Variants in CACNA1E observed in about 807,000 individuals in gnomAD.
CACNA1E encodes calcium voltage-gated channel subunit alpha1 E, also known as voltage-dependent R-type calcium channel subunit alpha-1E.
CACNA1E carries 40 observed loss-of-function variants against 259.2 expected under a neutral mutation model. The observed-to-expected ratio is 0.15, with a 90% confidence interval of 0.12 to 0.20. CACNA1E has a LOEUF of 0.20. CACNA1E is among the 10% of genes least tolerant of loss of function. The pLI, the probability that CACNA1E is intolerant of heterozygous loss-of-function variation, is 1.00. For missense variants in CACNA1E, 1,874 were observed against 3,040.1 expected (o/e 0.62, Z 9.02); for synonymous variants, 1,104 against 1,138.5 (o/e 0.97, Z 0.61).
intron 1 of CACNA1E, among the ~76,000 whole-genome samples, chr1:181,360,669 G>T (rs958687230): frequency 3.3e-5 from 5 of 152,088 alleles, no homozygotes; most frequent in African/African-American, 1.2e-4. Context: ...AGTGGTGATG[G>T]TTGTAAAACG....
intron 1 of CACNA1E, among the ~76,000 whole-genome samples, chr1:181,345,537 T>C (rs1193217133): frequency 6.6e-6 from 1 of 152,132 alleles, no homozygotes; most frequent in African/African-American, 2.4e-5. Context: ...TGGGTCTTTC[T>C]TGGGCATGTG....
At chr1:181,404,971 G>A (rs2102105450) in intron 1 of CACNA1E, among the ~76,000 whole-genome samples, 1 of 152,344 alleles carries the variant, frequency 6.6e-6, no homozygotes, top group South Asian at 2.1e-4. Context: ...TCCCTAGGTG[G>A]CAACTCAGAC....
chr1:181,434,298 C>T (rs1659925585), intron 2 of CACNA1E, among the ~76,000 whole-genome samples: 1 of 152,040 alleles, frequency 6.6e-6, no homozygotes. Flanking sequence ...TACCATTTCC[C>T]TATTTTTGGA....
chr1:181,722,433 G>A (rs919273295), intron 16 of CACNA1E, among the ~76,000 whole-genome samples: 1 of 152,128 alleles, frequency 6.6e-6, no homozygotes, highest in African/African-American at 2.4e-5. Context: ...CTACTAAATT[G>A]TAAAGGGAAA....
intron 2 of CACNA1E, among the ~76,000 whole-genome samples, chr1:181,465,096 G>A (rs1662071613): frequency 6.6e-6 from 1 of 151,754 alleles, no homozygotes; most frequent in Non-Finnish European, 1.5e-5. Context: ...TATTTTCCTG[G>A]AAAAGTCTTT....
At chr1:181,487,346 G>C (rs192064352) in intron 1 of CACNA1E, among the ~76,000 whole-genome samples, 3 of 152,248 alleles carry the variant, frequency 2.0e-5, no homozygotes, top group African/African-American at 7.2e-5. Context: ...GAGGGGGAGG[G>C]TAATCTTATC....
chr1:181,571,298 A>G lies in CACNA1E; in HGVS notation c.513-6468A>G, dbSNP rs372163772. Among the ~76,000 whole-genome samples the G allele has an allele frequency of 2.4e-4, 36 of 152,240 alleles. No individual in the cohort carries two copies. In the East Asian group the frequency reaches 6.4e-3, roughly 27 times the overall value. ...GCGTGTGCCTTATCCCTTTCTCAGA[A>G]TCCTAGTTCAACTAGCTTTTGGTCT... is the stretch of plus-strand genomic sequence containing the variant. On this transcript the variant is annotated intron_variant, in intron 3 of 47. Coordinates refer to ENST00000367573, the MANE Select transcript of CACNA1E (RefSeq NM_001205293.3).
chr1:181,372,539 G>A (rs1654775932), intron 1 of CACNA1E, among the ~76,000 whole-genome samples: 1 of 152,102 alleles, frequency 6.6e-6, no homozygotes, highest in Admixed American at 6.5e-5. Context: ...CATATCGTCT[G>A]CAAAGAGAGA....
intron 6 of CACNA1E, among the ~76,000 whole-genome samples, chr1:181,601,122 C>A (rs1277849216): frequency 6.6e-6 from 1 of 152,134 alleles, no homozygotes. Flanking sequence ...CCCACTACCA[C>A]CCCATGGGCT....
intron 1 of CACNA1E, among the ~76,000 whole-genome samples, chr1:181,332,115 C>G (rs571073771): frequency 1.8e-4 from 28 of 152,294 alleles, no homozygotes; most frequent in Admixed American, 4.6e-4. Context: ...AACGTAGGAA[C>G]AGAAAATCAA....
intron 1 of CACNA1E, among the ~76,000 whole-genome samples, chr1:181,497,977 C>G (rs12039784): frequency 1.2e-4 from 19 of 152,220 alleles, no homozygotes; most frequent in South Asian, 1.0e-3. Flanking sequence ...CTTTCCCCCG[C>G]CAAAACTCCA....
intron 2 of CACNA1E, chr1:181,413,671 C>T (rs968190615): frequency 6.5e-6 from 1 of 152,706 alleles, no homozygotes; most frequent in Non-Finnish European, 1.5e-5. Context: ...GTGAGGCCGC[C>T]CTGGAGGGTC....
intron 3 of CACNA1E, 22 bp from the exon 4 acceptor site, chr1:181,577,744 C>T: frequency 6.5e-7 from 1 of 1,528,762 alleles, no homozygotes; most frequent in Non-Finnish European, 9.0e-7. Flanking sequence ...TAACCTTGAC[C>T]CTTCTGTGTC....
At chr1:181,394,997 A>G (rs1286266830) in intron 1 of CACNA1E, among the ~76,000 whole-genome samples, 1 of 152,162 alleles carries the variant, frequency 6.6e-6, no homozygotes, top group Non-Finnish European at 1.5e-5. Context: ...GCAGGATGCT[A>G]TGCAGAGAGG....
chr1:181,776,033 C>A lies in CACNA1E; in HGVS notation c.5140-68C>A, dbSNP rs549429264. 6.8e-5 allele frequency: 101 copies of A among 1,482,928 alleles called. 3 individuals are homozygous for A. In the South Asian group the frequency reaches 7.5e-4, roughly 11 times the overall value. 91.9% of individuals were successfully genotyped at this position (1,482,928 alleles called of 1,614,324 possible). A position where few individuals can be genotyped will look rare whatever the true frequency, so the allele number is the denominator to read the frequency against. ...AACACCCTCCTCCATGCCCTGAAGCCTGTTCTTCTGCTTCCTGAGCTCTGC... is the reference window on the plus strand; with the variant it reads ...AACACCCTCCTCCATGCCCTGAAGCATGTTCTTCTGCTTCCTGAGCTCTGC... On this transcript the variant is annotated intron_variant, in intron 37 of 47. Coordinates refer to ENST00000367573, the MANE Select transcript of CACNA1E (RefSeq NM_001205293.3). This position sits in a 1 kb window ranked among gnomAD's most constrained non-coding sequence, Gnocchi z 4.4.
chr1:181,341,328 G>A (rs1652132381), intron 1 of CACNA1E, among the ~76,000 whole-genome samples: 1 of 152,234 alleles, frequency 6.6e-6, no homozygotes, highest in African/African-American at 2.4e-5. Context: ...GTTTACTGCA[G>A]CAGCAGTGAG....
At chr1:181,579,006 T>G in intron 4 of CACNA1E, 66 bp from the exon 5 acceptor site, 1 of 1,325,138 alleles carries the variant, frequency 7.5e-7, no homozygotes, top group South Asian at 1.6e-5. Flanking sequence ...GGAATGAAAC[T>G]AATCCTCCCC....
chr1:181,779,689 C>A, intron 38 of CACNA1E: 2 of 265,084 alleles, frequency 7.5e-6, no homozygotes, highest in Non-Finnish European at 7.9e-6. Context: ...CCTTCCAGAA[C>A]CAGCAGCTGT....
chr1:181,381,301 G>A (rs1655446427), intron 1 of CACNA1E, among the ~76,000 whole-genome samples: 1 of 152,090 alleles, frequency 6.6e-6, no homozygotes, highest in Non-Finnish European at 1.5e-5. Flanking sequence ...TCAACACAAT[G>A]GAATACTATG....
Sources: allele counts gnomAD v4.1 joint callset (sites outside exome capture counted in the v4.1 genomes callset), GRCh38; gene constraint gnomAD v4.1.1; non-coding constraint Gnocchi (gnomAD v3.1); transcripts MANE v1.5; gene names NCBI Gene and HGNC (gene_info 2026-07-23, HGNC 2026-07-21).